The following GREB1L variants were observed in gnomAD, a reference collection of about 807,000 sequenced individuals.
GREB1L encodes GREB1 like retinoic acid receptor coactivator.
A neutral mutation model predicts 200.8 loss-of-function variants in GREB1L; 17 were observed. The observed-to-expected ratio is 0.08, with a 90% CI of 0.06 to 0.13. The LOEUF (loss-of-function observed/expected upper bound fraction) is 0.13, where lower values mean the gene tolerates loss of function less well. Ranked by LOEUF, GREB1L falls within the 10% of genes least tolerant of loss-of-function variation. GREB1L has a pLI of 1.00. For missense variants in GREB1L, 1,657 were observed against 2,367.7 expected (o/e 0.70, Z 6.23); for synonymous variants, 789 against 893.0 (o/e 0.88, Z 2.08).
intron 15 of GREB1L, among the ~76,000 whole-genome samples, chr18:21,464,720 A>G (rs1256215890): frequency 6.6e-6 from 1 of 152,150 alleles, no homozygotes; most frequent in African/African-American, 2.4e-5. Context: ...AGACAAACTG[A>G]CATTATGTGC....
chr18:21,504,837 G>A (rs2036947374), intron 23 of GREB1L, among the ~76,000 whole-genome samples: 1 of 152,134 alleles, frequency 6.6e-6, no homozygotes, highest in Non-Finnish European at 1.5e-5. Context: ...CGCTGTAAGG[G>A]GTAGGGCCAG....
At chr18:21,388,948 A>G (rs1322159948) in intron 4 of GREB1L, among the ~76,000 whole-genome samples, 1 of 152,060 alleles carries the variant, frequency 6.6e-6, no homozygotes, top group Non-Finnish European at 1.5e-5. Context: ...GGTACATACT[A>G]TCAACATGAT....
At chr18:21,351,616 G>T (rs545331627) in intron 1 of GREB1L, among the ~76,000 whole-genome samples, 24 of 151,206 alleles carry the variant, frequency 1.6e-4, no homozygotes, top group Non-Finnish European at 2.8e-4. Flanking sequence ...GCTTGTTATT[G>T]TTGGGGATGG....
chr18:21,296,893 G>A (rs1396242196), intron 1 of GREB1L, among the ~76,000 whole-genome samples: 1 of 152,142 alleles, frequency 6.6e-6, no homozygotes, highest in Non-Finnish European at 1.5e-5. Flanking sequence ...GACCTCAAGT[G>A]AGCCACCCTC....
At chr18:21,316,853 C>G (rs2038877742) in intron 1 of GREB1L, 2 of 150,834 alleles carry the variant, frequency 1.3e-5, no homozygotes, top group Non-Finnish European at 3.0e-5. Flanking sequence ...CTCTGCCTCC[C>G]AGGTTCAAGC....
intron 1 of GREB1L, among the ~76,000 whole-genome samples, chr18:21,363,350 T>C (rs1454553721): frequency 1.5e-5 from 2 of 132,892 alleles, no homozygotes; most frequent in Non-Finnish European, 3.1e-5. Flanking sequence ...TGCCCCGATA[T>C]AAAAGCATTG....
rs1194655594 is a variant in GREB1L at position 21,314,874 on chromosome 18, A to C, written c.-119-51153A>C. Among the ~76,000 whole-genome samples the C allele has an allele frequency of 2.0e-5, 3 of 152,172 alleles. No homozygotes were observed. The East Asian group carries it at 5.8e-4, about 29-fold the overall frequency. On this transcript the variant is annotated intron_variant, in intron 1 of 32. Coordinates refer to ENST00000424526, the MANE Select transcript of GREB1L (RefSeq NM_001142966.3). ...CATGGTTTACCCATCCTTGATTTTA[A>C]GGGTGGAAATTTAATGGACCTCAGA...
At chr18:21,276,392 T>C (rs2038163959) in intron 1 of GREB1L, among the ~76,000 whole-genome samples, 1 of 152,216 alleles carries the variant, frequency 6.6e-6, no homozygotes, top group Non-Finnish European at 1.5e-5. Context: ...GGGTGGTTCA[T>C]TCCCACCCGT....
chr18:21,392,215 A>C (rs1224064311), intron 4 of GREB1L, among the ~76,000 whole-genome samples: 2 of 152,212 alleles, frequency 1.3e-5, no homozygotes, highest in African/African-American at 4.8e-5. Flanking sequence ...TGAATAAGGT[A>C]ATCTATATAG....
intron 1 of GREB1L, among the ~76,000 whole-genome samples, chr18:21,309,879 G>T (rs1867253): frequency 0.15 from 22,259 of 151,776 alleles, 3,497 homozygotes; most frequent in African/African-American, 0.39. Flanking sequence ...AAAACATCCT[G>T]CAATGCACAA....
At chr18:21,452,885 T>G (rs577643744) in intron 14 of GREB1L, among the ~76,000 whole-genome samples, 1 of 152,352 alleles carries the variant, frequency 6.6e-6, no homozygotes, top group Admixed American at 6.5e-5. Flanking sequence ...TGACAGCCAC[T>G]TGGCCCCCAC....
intron 4 of GREB1L, among the ~76,000 whole-genome samples, chr18:21,392,326 T>G (rs1285196149): frequency 1.3e-5 from 2 of 149,916 alleles, no homozygotes; most frequent in African/African-American, 5.0e-5. Flanking sequence ...GCCCTGTTCC[T>G]TAATAGAGGT....
At chr18:21,307,544 T>C (rs111649599) in intron 1 of GREB1L, among the ~76,000 whole-genome samples, 1 of 152,176 alleles carries the variant, frequency 6.6e-6, no homozygotes, top group South Asian at 2.1e-4. Flanking sequence ...TGATCGTGAA[T>C]TGGCACCTTG....
intron 1 of GREB1L, among the ~76,000 whole-genome samples, chr18:21,288,075 T>C (rs1462586745): frequency 6.6e-6 from 1 of 152,162 alleles, no homozygotes; most frequent in African/African-American, 2.4e-5. Flanking sequence ...AGTGTTGGGA[T>C]TACAGGCGTG....
intron 1 of GREB1L, among the ~76,000 whole-genome samples, chr18:21,339,929 A>C (rs1289738614): frequency 6.6e-6 from 1 of 152,164 alleles, no homozygotes; most frequent in Non-Finnish European, 1.5e-5. Flanking sequence ...TTATTGACAA[A>C]ACCCAAGTCC....
At chr18:21,422,951 G>A (rs182748742) in intron 7 of GREB1L, among the ~76,000 whole-genome samples, 2 of 151,572 alleles carry the variant, frequency 1.3e-5, no homozygotes, top group East Asian at 3.9e-4. Context: ...TTTTTCTTTA[G>A]ACGGAGTCTT....
chr18:21,439,543 C>T lies in GREB1L; in HGVS notation c.855C>T (p.Ser285=), dbSNP rs768968365. 5.8e-5 allele frequency: 90 copies of T among 1,548,794 alleles called. No homozygotes were observed. The highest frequency in any genetic ancestry group is 7.4e-5 in the Non-Finnish European group (85 of 1,144,246). The change falls in exon 8 of 33, where the codon AGC becomes AGT. Residue 285 remains serine, a synonymous_variant. Coordinates refer to ENST00000424526, the MANE Select transcript of GREB1L (RefSeq NM_001142966.3). Reference sequence around the variant, plus strand: ...CAGATGCTGCTAATGGAAACAGTAGCCATGGAGGGAAGGGCAGTGCATCCA... The same window carrying T: ...CAGATGCTGCTAATGGAAACAGTAGTCATGGAGGGAAGGGCAGTGCATCCA... The part of the protein sequence containing the change: ...TQTDAANGNS[S]HGGKGSASSS...
In GREB1L at chr18:21,505,917, C is replaced by T. The variant is rs927568032; in HGVS notation, c.4336C>T (p.Arg1446Cys). The T allele has an allele frequency of 7.7e-6, 12 of 1,552,082 alleles. No individual in the cohort carries two copies. The highest frequency in any genetic ancestry group is 2.0e-5 in the Admixed American group (1 of 50,970). ...YNTFHHCEQC[R>C]QYMDFTSASQ... ...CACCTTTCACCACTGTGAACAGTGC[C>T]GCCAGTACATGGACTTCACCTCTGC... Residue 1446 changes from arginine to cysteine, a missense_variant, in exon 25 of 33, where the codon CGC (arginine) becomes TGC (cysteine). Physicochemically the swap from Arg to Cys is radical, Grantham distance 180. Around this residue, in one of 9 missense-constraint regions of GREB1L, gnomAD observed 512 missense variants for 668.3 expected, o/e 0.77. Transcript: ENST00000424526.
chr18:21,334,772 CA>C (rs5823302), intron 1 of GREB1L, among the ~76,000 whole-genome samples: 30,788 of 140,214 alleles, frequency 0.22, 6,901 homozygotes, highest in African/African-American at 0.58. Flanking sequence ...GACCCCATCT[CA>C]AAAAAAAAAA....
Sources: gnomAD v4.1 joint callset for allele counts (sites outside exome capture counted in the v4.1 genomes callset) on GRCh38, gnomAD v4.1.1 for gene constraint, gnomAD v4.1.1 regional missense constraint, MANE v1.5 for transcripts, NCBI Gene and HGNC (gene_info 2026-07-23, HGNC 2026-07-21) for gene names.